The following PITPNM2 variants were observed in gnomAD, a reference collection of about 807,000 sequenced individuals.
PITPNM2 encodes membrane-associated phosphatidylinositol transfer protein 2.
A neutral mutation model predicts 132.2 loss-of-function variants in PITPNM2; 35 were observed. The ratio of observed to expected loss-of-function variants is 0.26; its 90% CI spans 0.20 to 0.35. PITPNM2 has a LOEUF of 0.35. Ranked by LOEUF, PITPNM2 falls within the 10% of genes least tolerant of loss-of-function variation. The probability of loss-of-function intolerance (pLI) is 1.00; values close to 1 mark genes in which losing one functional copy is unlikely to be tolerated. For missense variants in PITPNM2, 1,332 were observed against 1,912.0 expected (o/e 0.70, Z 5.66); for synonymous variants, 738 against 799.2 (o/e 0.92, Z 1.29).
At position 123,031,875 on chromosome 12, in the gene PITPNM2, G is replaced by A. The variant is rs1370900430; in HGVS notation, c.78+2638C>T. Reference sequence around the variant, plus strand: ...CACAGGGAAAGGCTCTGGAAGCTCAGAGGAGCAGCAATGACTCCAGCTAGC... The same window carrying A: ...CACAGGGAAAGGCTCTGGAAGCTCAAAGGAGCAGCAATGACTCCAGCTAGC... On this transcript the variant is annotated intron_variant, in intron 3 of 25. Transcript: ENST00000320201. This position sits in a 1 kb window ranked among gnomAD's most constrained non-coding sequence, Gnocchi z 4.5. 6.6e-6 allele frequency among the ~76,000 whole-genome samples: 1 copy of A among 152,036 alleles called. No homozygotes were observed. The highest frequency in any genetic ancestry group is 1.5e-5 in the Non-Finnish European group (1 of 68,044).
In PITPNM2 at chr12:122,983,819, A is replaced by C. The variant is rs2136013769; in HGVS notation, c.*2208T>G. The C allele has an allele frequency of 6.5e-6, 1 of 152,790 alleles. No homozygotes were observed. The highest frequency in any genetic ancestry group is 2.1e-4 in the South Asian group (1 of 4,824). The allele number at this position is 152,790 out of a possible 1,614,324, so 9.5% of individuals were successfully genotyped here. On this transcript the variant is annotated 3_prime_UTR_variant, in exon 26 of 26. Transcript: ENST00000320201. Reference sequence around the variant, plus strand: ...TATTCTAACAGGCCTGGGGGGTGGCAGTCAGCAAGGCCTGCCTCACCCTTT... The same window carrying C: ...TATTCTAACAGGCCTGGGGGGTGGCCGTCAGCAAGGCCTGCCTCACCCTTT...
intron 2 of PITPNM2, among the ~76,000 whole-genome samples, chr12:123,066,615 C>A (rs1403412629): frequency 2.0e-5 from 3 of 152,280 alleles, no homozygotes; most frequent in Admixed American, 1.3e-4. Context: ...GCTTAACCAC[C>A]CCCTGGGATG....
At position 123,112,538 on chromosome 12, in the gene PITPNM2, C is replaced by CTT. The variant is rs113732529; in HGVS notation, c.-199-2052_-199-2051dup. Among the ~76,000 whole-genome samples the CTT allele has an allele frequency of 1.1e-4, 15 of 140,092 alleles. No individual in the cohort carries two copies. In the South Asian group the frequency reaches 1.9e-3, roughly 17 times the overall value. 91.9% of individuals were successfully genotyped at this position (140,092 alleles called of 152,430 possible). A position where few individuals can be genotyped will look rare whatever the true frequency, so the allele number is the denominator to read the frequency against. The stretch of plus-strand genomic sequence containing the variant: ...GTTTTAAATCCAAATCTTCAATATA[C>CTT]TTTTTTTTTTTTTTTTTTGAGATGG... On this transcript the variant is annotated intron_variant, in intron 1 of 25. Coordinates refer to ENST00000320201, the MANE Select transcript of PITPNM2 (RefSeq NM_020845.3).
intron 19 of PITPNM2, 58 bp from the exon 20 acceptor site, chr12:122,988,408 C>T: frequency 6.8e-7 from 1 of 1,473,506 alleles, no homozygotes; most frequent in South Asian, 1.1e-5. Context: ...GCTTCCTGCC[C>T]TGGGAGGAGG....
At chr12:123,061,162 G>T (rs60341983) in intron 2 of PITPNM2, among the ~76,000 whole-genome samples, 6,608 of 152,218 alleles carry the variant, frequency 0.043, 476 homozygotes, top group African/African-American at 0.15. Context: ...AAACCCAAAG[G>T]TCTTCACAAC....
In PITPNM2 at chr12:123,005,572, G is replaced by A. The variant is rs746258888; in HGVS notation, c.644-24C>T. On this transcript the variant is annotated intron_variant, in intron 6 of 25. Coordinates refer to ENST00000320201, the MANE Select transcript of PITPNM2 (RefSeq NM_020845.3). The surrounding 1 kb of genome is among the most constrained non-coding windows in gnomAD (Gnocchi z 6.2). Reference sequence around the variant, plus strand: ...TCCTGTGCCCCATGGGGATCAGAGAGGGAGAGACGAGGGGAGGGAGGTCAG... The same window carrying A: ...TCCTGTGCCCCATGGGGATCAGAGAAGGAGAGACGAGGGGAGGGAGGTCAG... 1 of 1,602,510 alleles carries A rather than the reference G, an allele frequency of 6.2e-7. No homozygotes were observed. Among genetic ancestry groups the A allele is most frequent in the South Asian group, 1.1e-5 (1 of 90,604 alleles).
At chr12:123,060,954 T>A (rs2041215026) in intron 2 of PITPNM2, among the ~76,000 whole-genome samples, 1 of 152,174 alleles carries the variant, frequency 6.6e-6, no homozygotes, top group South Asian at 2.1e-4. Flanking sequence ...GCATCCCTAC[T>A]CGCATCTACC....
intron 2 of PITPNM2, among the ~76,000 whole-genome samples, chr12:123,057,322 G>A (rs988168095): frequency 1.3e-5 from 2 of 150,698 alleles, no homozygotes; most frequent in Admixed American, 1.3e-4. Context: ...AGAAGTTGCG[G>A]TGAGCCGAGA....
intron 1 of PITPNM2, among the ~76,000 whole-genome samples, chr12:123,141,369 C>T (rs887648480): frequency 3.3e-5 from 5 of 152,180 alleles, no homozygotes; most frequent in Admixed American, 6.5e-5. Flanking sequence ...GCGGGAAAGG[C>T]CCCTCCCCTC....
Position 123,000,366 on chromosome 12 carries a change from C to T in PITPNM2, c.1224+412G>A, listed in dbSNP as rs754746518. ...CCTGCCTCCCGCGGGGCCATCTTGT[C>T]GGCCACGGCCACATCACTTCTGCCT... is the stretch of plus-strand genomic sequence containing the variant. On this transcript the variant is annotated intron_variant, in intron 10 of 25. Transcript: ENST00000320201. The surrounding 1 kb of genome is among the most constrained non-coding windows in gnomAD (Gnocchi z 5.4). 32 of 699,772 alleles carry T rather than the reference C, an allele frequency of 4.6e-5. No homozygotes were observed. Among genetic ancestry groups the T allele is most frequent in the Non-Finnish European group, 7.0e-5 (27 of 383,982 alleles). The allele number at this position is 699,772 out of a possible 1,614,324, so 43.3% of individuals were successfully genotyped here.
At chr12:123,146,864 G>C (rs1307755184) in intron 1 of PITPNM2, among the ~76,000 whole-genome samples, 1 of 152,130 alleles carries the variant, frequency 6.6e-6, no homozygotes, top group African/African-American at 2.4e-5. Context: ...CTAGAAGAGA[G>C]GTCTTGTGCA....
chr12:123,133,786 T>C (rs1490125202), intron 1 of PITPNM2, among the ~76,000 whole-genome samples: 1 of 134,118 alleles, frequency 7.5e-6, no homozygotes, highest in Non-Finnish European at 1.6e-5. Flanking sequence ...TCACAATTAT[T>C]AATGAACACA....
chr12:123,019,819 A>G (rs1171620979), intron 3 of PITPNM2, among the ~76,000 whole-genome samples: 4 of 152,234 alleles, frequency 2.6e-5, no homozygotes, highest in African/African-American at 9.6e-5. Flanking sequence ...GAGAACAACT[A>G]TCATGTGATT....
At chr12:123,094,020 A>G (rs2042339578) in intron 2 of PITPNM2, among the ~76,000 whole-genome samples, 1 of 152,208 alleles carries the variant, frequency 6.6e-6, no homozygotes, top group Non-Finnish European at 1.5e-5. Context: ...CGGCTGGCCC[A>G]GTGCAGCAGG....
Position 122,986,087 on chromosome 12 carries a change from G to A in PITPNM2, c.3990C>T (p.Gly1330=). ...RGQRSMSVAA[G]CWGRAMTGRL... ...GGCCAGTCATGGCGCGGCCCCAGCA[G>A]CCGGCCGCCACACTCATGCTGCGCT... The change falls in exon 26 of 26, where the codon GGC becomes GGT. Residue 1330 remains glycine (G), a synonymous_variant. Coordinates refer to ENST00000320201, the MANE Select transcript of PITPNM2 (RefSeq NM_020845.3). 1 of 1,440,928 alleles carries A rather than the reference G, an allele frequency of 6.9e-7. No individual in the cohort carries two copies. Among genetic ancestry groups the A allele is most frequent in the Admixed American group, 2.9e-5 (1 of 34,940 alleles). The allele number at this position is 1,440,928 out of a possible 1,614,324, so 89.3% of individuals were successfully genotyped here.
Position 123,099,966 on chromosome 12 carries a change from G to C in PITPNM2, c.-96+10419C>G, listed in dbSNP as rs2042516956. On this transcript the variant is annotated intron_variant, in intron 2 of 25. Transcript: ENST00000320201. The surrounding 1 kb of genome is among the most constrained non-coding windows in gnomAD (Gnocchi z 4.2). ...AGCACCCAGGTGTGCAGGCATCCATGCCCGGGGGAAGTAAGAATTGCAGGT... is the reference window on the plus strand; with the variant it reads ...AGCACCCAGGTGTGCAGGCATCCATCCCCGGGGGAAGTAAGAATTGCAGGT... Among the ~76,000 whole-genome samples, 1 of 152,208 alleles carries C rather than the reference G, an allele frequency of 6.6e-6. No homozygotes were observed. The highest frequency in any genetic ancestry group is 2.4e-5 in the African/African-American group (1 of 41,454).
At position 123,026,107 on chromosome 12, in the gene PITPNM2, T is replaced by C. The variant is rs921332358; in HGVS notation, c.78+8406A>G. Among the ~76,000 whole-genome samples, 10 of 152,242 alleles carry C rather than the reference T, an allele frequency of 6.6e-5. No individual in the cohort carries two copies. The South Asian group carries it at 1.9e-3, about 28-fold the overall frequency. ...TCTTATTGAACAAATAAATGAATTC[T>C]AGTCCCAACTCTGTGACCAGCTCCC... On this transcript the variant is annotated intron_variant, in intron 3 of 25. Coordinates refer to ENST00000320201, the MANE Select transcript of PITPNM2 (RefSeq NM_020845.3).
chr12:123,003,190 C>T (rs1472841855), intron 8 of PITPNM2, among the ~76,000 whole-genome samples: 3 of 152,176 alleles, frequency 2.0e-5, no homozygotes, highest in Non-Finnish European at 4.4e-5. Flanking sequence ...ATGAACACCG[C>T]CTCCAAGACT....
intron 2 of PITPNM2, among the ~76,000 whole-genome samples, chr12:123,107,572 G>A (rs1041015781): frequency 2.0e-4 from 31 of 152,310 alleles, no homozygotes; most frequent in African/African-American, 6.5e-4. Flanking sequence ...GTCCCTTGTG[G>A]AGGAGAGAGG....
Sources: gnomAD v4.1 joint callset for allele counts (sites outside exome capture counted in the v4.1 genomes callset) on GRCh38, gnomAD v4.1.1 for gene constraint, Gnocchi (gnomAD v3.1) non-coding constraint, MANE v1.5 for transcripts, NCBI Gene and HGNC (gene_info 2026-07-23, HGNC 2026-07-21) for gene names.